HTR2C: variants seen among roughly 807,000 people sequenced by gnomAD.
The protein encoded by HTR2C is 5-hydroxytryptamine receptor 2C, also known as 5-hydroxytryptamine (serotonin) receptor 2C, G protein-coupled.
A neutral mutation model predicts 21.0 loss-of-function variants in HTR2C; 5 were observed. The observed-to-expected ratio is 0.24, with a 90% CI of 0.12 to 0.50. HTR2C has a LOEUF of 0.50. HTR2C is among the 20% of genes least tolerant of loss of function. The pLI is 0.98. For synonymous variants in HTR2C, 150 were observed against 145.3 expected (o/e 1.03, Z -0.23); for missense variants, 271 against 371.2 (o/e 0.73, Z 2.22).
intron 5 of HTR2C, among the ~76,000 whole-genome samples, chrX:114,906,043 C>T (rs2071370026): frequency 8.9e-6 from 1 of 111,996 alleles, no homozygotes; most frequent in Non-Finnish European, 1.9e-5. Context: ...TCTTTTCAGT[C>T]TCTGCTTATT....
intron 2 of HTR2C, among the ~76,000 whole-genome samples, chrX:114,718,924 TTATA>T (rs1191449664): frequency 1.1e-4 from 11 of 101,430 alleles, no homozygotes; most frequent in Admixed American, 8.3e-4. Context: ...TTTTATATAA[TTATA>T]TATATAATAT....
At chrX:114,609,792 C>A (rs923622443) in intron 1 of HTR2C, among the ~76,000 whole-genome samples, 1 of 111,707 alleles carries the variant, frequency 9.0e-6, no homozygotes, top group African/African-American at 3.2e-5. Context: ...ATATAGAAAA[C>A]GAGCAGAGCA....
At chrX:114,755,120 A>ATCCCAGTTACT (rs1295426720) in intron 4 of HTR2C, among the ~76,000 whole-genome samples, 1 of 109,968 alleles carries the variant, frequency 9.1e-6, no homozygotes, top group Non-Finnish European at 1.9e-5. Context: ...GGCGCCTGTA[A>ATCCCAGTTACT]TCCCAGTTAC....
intron 4 of HTR2C, among the ~76,000 whole-genome samples, chrX:114,835,828 T>C (rs2070776494): frequency 9.1e-6 from 1 of 110,451 alleles, no homozygotes; most frequent in Non-Finnish European, 1.9e-5. Context: ...TTTCCCCATC[T>C]TTGTGGTTTT....
rs2069819002 is a variant in HTR2C, at chrX:114,756,881, G to T, written c.349+25274G>T. Among the ~76,000 whole-genome samples, 2 of 107,774 alleles carry T rather than the reference G, an allele frequency of 1.9e-5. 1 individual carries two copies. Among genetic ancestry groups the T allele is most frequent in the Admixed American group, 2.0e-4 (2 of 10,054 alleles). 93.6% of individuals were successfully genotyped at this position (107,774 alleles called of 115,157 possible). On this transcript the variant is annotated intron_variant, in intron 4 of 5. Transcript: ENST00000276198. ...TCGGCATAATTTATTGCAACTAACT[G>T]CATGTCAATCTACACTTATCTTTAA...
intron 4 of HTR2C, among the ~76,000 whole-genome samples, chrX:114,820,787 A>G (rs1267248571): frequency 2.7e-5 from 3 of 110,859 alleles, no homozygotes; most frequent in Admixed American, 9.7e-5. Context: ...ATGTGGAACT[A>G]TAAGTCCAAT....
chrX:114,635,916 A>T (rs140152669), intron 2 of HTR2C, among the ~76,000 whole-genome samples: 91 of 111,361 alleles, frequency 8.2e-4, no homozygotes, highest in African/African-American at 2.7e-3. Context: ...CCATGTTTTC[A>T]TTCCCTGTGA....
At chrX:114,605,969 A>G (rs1928401479) in intron 1 of HTR2C, among the ~76,000 whole-genome samples, 1 of 107,469 alleles carries the variant, frequency 9.3e-6, no homozygotes, top group Non-Finnish European at 1.9e-5. Flanking sequence ...ACTGGGGCAC[A>G]GAGATACGAG....
At chrX:114,776,594 A>T in intron 4 of HTR2C, 1 of 523,760 alleles carries the variant, frequency 1.9e-6, no homozygotes, top group East Asian at 3.4e-5. Context: ...GGTGGGGTTC[A>T]TTGCAGCTTG....
At chrX:114,821,394 A>G (rs1456588520) in intron 4 of HTR2C, among the ~76,000 whole-genome samples, 1 of 111,649 alleles carries the variant, frequency 9.0e-6, no homozygotes, top group African/African-American at 3.3e-5. Context: ...TCATACTAGT[A>G]TCTGTAGCTG....
intron 5 of HTR2C, among the ~76,000 whole-genome samples, chrX:114,867,547 G>T (rs782683648): frequency 2.7e-5 from 3 of 111,252 alleles, no homozygotes; most frequent in Non-Finnish European, 5.7e-5. Flanking sequence ...TTGGTTGCTT[G>T]TGCTTGTTGG....
At chrX:114,743,551 A>G (rs1602739676) in intron 4 of HTR2C, among the ~76,000 whole-genome samples, 1 of 112,203 alleles carries the variant, frequency 8.9e-6, no homozygotes, top group East Asian at 2.8e-4. Context: ...AGATGAATCG[A>G]TAGAAATTAT....
intron 4 of HTR2C, among the ~76,000 whole-genome samples, chrX:114,833,901 T>C (rs1277526116): frequency 2.8e-5 from 3 of 108,986 alleles, no homozygotes; most frequent in Non-Finnish European, 5.7e-5. Context: ...GTATGTTGTG[T>C]CTTTGTTCTC....
chrX:114,752,524 T>G (rs1478194146), intron 4 of HTR2C, among the ~76,000 whole-genome samples: 1 of 111,306 alleles, frequency 9.0e-6, no homozygotes, highest in Non-Finnish European at 1.9e-5. Flanking sequence ...AACTAATTGA[T>G]TAGTGCAATT....
intron 4 of HTR2C, chrX:114,775,548 C>T (rs1324352110): frequency 4.0e-6 from 2 of 494,283 alleles, no homozygotes; most frequent in Non-Finnish European, 7.5e-6. Flanking sequence ...GACAGGAGGA[C>T]AGTCATGACT....
At chrX:114,630,764 A>G (rs782159356) in intron 2 of HTR2C, 2 of 325,947 alleles carry the variant, frequency 6.1e-6, no homozygotes, top group East Asian at 8.0e-5. Flanking sequence ...TTCTATACAG[A>G]GCATGGGGCC....
intron 4 of HTR2C, among the ~76,000 whole-genome samples, chrX:114,755,717 C>A (rs782294530): frequency 1.5e-4 from 11 of 75,524 alleles, no homozygotes; most frequent in Non-Finnish European, 1.5e-4. Flanking sequence ...ATAAATAATT[C>A]TCAAATTTCA....
intron 4 of HTR2C, among the ~76,000 whole-genome samples, chrX:114,827,529 T>C (rs183798339): frequency 9.0e-6 from 1 of 111,513 alleles, no homozygotes; most frequent in Non-Finnish European, 1.9e-5. Flanking sequence ...CCGTTTCTGT[T>C]GTTCTTCCTT....
At chrX:114,705,906 C>A (rs1602703303) in intron 2 of HTR2C, among the ~76,000 whole-genome samples, 1 of 59,832 alleles carries the variant, frequency 1.7e-5, no homozygotes, top group Non-Finnish European at 3.3e-5. Context: ...AGGACATGAA[C>A]AGACACTTCT....
Sources: allele counts gnomAD v4.1 joint callset (sites outside exome capture counted in the v4.1 genomes callset), GRCh38; gene constraint gnomAD v4.1.1; transcripts MANE v1.5; gene names NCBI Gene and HGNC (gene_info 2026-07-23, HGNC 2026-07-21).